RNF17: variants seen among roughly 807,000 people sequenced by gnomAD.
The protein encoded by RNF17 is ring finger protein 17.
RNF17 carries 31 observed loss-of-function variants against 200.5 expected under a neutral mutation model. The observed-to-expected ratio is 0.15, with a 90% CI of 0.12 to 0.21. The LOEUF is 0.21. Among genes scored for constraint, RNF17 ranks in the 10% least tolerant of loss-of-function variants. The probability of loss-of-function intolerance (pLI) is 1.00; values close to 1 mark genes in which losing one functional copy is unlikely to be tolerated. For synonymous variants in RNF17, 606 were observed against 637.8 expected, an observed-to-expected ratio of 0.95 and a Z score of 0.75; for missense variants, 1,628 against 1,905.1, an observed-to-expected ratio of 0.85 and a Z score of 2.71.
chr13:24,849,203 T>C (rs1190910153), intron 22 of RNF17, among the ~76,000 whole-genome samples: 3 of 152,218 alleles, frequency 2.0e-5, no homozygotes, highest in African/African-American at 7.2e-5. Flanking sequence ...GTTAATGGGC[T>C]AGCTCAATGA....
chr13:24,834,874 A>C (rs939421174), intron 18 of RNF17, among the ~76,000 whole-genome samples: 16 of 152,198 alleles, frequency 1.1e-4, no homozygotes, highest in Non-Finnish European at 1.3e-4. Context: ...CTCCACAGGC[A>C]GGGGAAGAAC....
the RNF17 span, among the ~76,000 whole-genome samples, chr13:24,748,903 C>T: frequency 1.2e-4 from 19 of 152,166 alleles, no homozygotes; most frequent in East Asian, 3.5e-3. Flanking sequence ...GCATGTGCCA[C>T]CATGCCCGGC....
chr13:24,812,783 G>A (rs143471220), intron 15 of RNF17, among the ~76,000 whole-genome samples: 18,584 of 150,140 alleles, frequency 0.12, 1,256 homozygotes, highest in Admixed American at 0.15. Context: ...CTGGGTTCAC[G>A]CCATTCTCAT....
intron 15 of RNF17, among the ~76,000 whole-genome samples, chr13:24,809,282 T>G (rs1177532276): frequency 2.0e-5 from 3 of 151,360 alleles, no homozygotes; most frequent in Admixed American, 6.6e-5. Context: ...TCCTGGACTC[T>G]TTTTGGTTGG....
At chr13:24,879,412 T>C in intron 35 of RNF17, 117 bp downstream of exon 35, 2 of 663,952 alleles carry the variant, frequency 3.0e-6, no homozygotes, top group African/African-American at 1.8e-5. Flanking sequence ...ACAGCAACGC[T>C]CCACCAGATT....
intron 13 of RNF17, 35 bp from the exon 14 acceptor site, chr13:24,802,346 A>G (rs374876145): frequency 1.2e-5 from 19 of 1,543,360 alleles, no homozygotes; most frequent in Non-Finnish European, 1.6e-5. Flanking sequence ...CGATACTTAC[A>G]ATTAATTACT....
intron 2 of RNF17, among the ~76,000 whole-genome samples, chr13:24,768,358 C>T (rs373263003): frequency 1.3e-5 from 2 of 148,878 alleles, no homozygotes; most frequent in African/African-American, 2.5e-5. Context: ...AATCTCAGCT[C>T]ACTGCAACCT....
chr13:24,764,890 T>TGTGGGG (rs1437887701), intron 1 of RNF17, among the ~76,000 whole-genome samples: 3 of 8,706 alleles, frequency 3.4e-4, no homozygotes, highest in African/African-American at 7.3e-4. Flanking sequence ...CCTTGTGGGG[T>TGTGGGG]GTGTGTGTGT....
At chr13:24,773,305 C>T (rs998051404) in intron 2 of RNF17, among the ~76,000 whole-genome samples, 4 of 152,276 alleles carry the variant, frequency 2.6e-5, no homozygotes, top group South Asian at 2.1e-4. Flanking sequence ...TCAACCTATG[C>T]GTCCCATCAT....
the RNF17 span, among the ~76,000 whole-genome samples, chr13:24,753,631 A>G: frequency 4.6e-5 from 7 of 152,206 alleles, no homozygotes; most frequent in Non-Finnish European, 8.8e-5. Flanking sequence ...CAATTAAGCT[A>G]GAGTAGAAGG....
intron 1 of RNF17, among the ~76,000 whole-genome samples, chr13:24,764,902 T>G (rs1218231424): frequency 3.7e-5 from 2 of 54,378 alleles, no homozygotes; most frequent in African/African-American, 1.1e-4. Context: ...TGTGTGTGTG[T>G]GTGTGTGTGT....
chr13:24,778,434 G>C, intron 4 of RNF17, 28 bp downstream of exon 4: 6 of 1,409,232 alleles, frequency 4.3e-6, no homozygotes, highest in Non-Finnish European at 4.0e-6. Flanking sequence ...CATGAAGTAC[G>C]ATGAAGGCAA....
intron 13 of RNF17, among the ~76,000 whole-genome samples, chr13:24,800,978 G>A (rs1326228675): frequency 6.6e-6 from 1 of 152,160 alleles, no homozygotes; most frequent in Non-Finnish European, 1.5e-5. Context: ...AACAATACAT[G>A]TTAAGCAGTT....
rs1371570441 is a variant in RNF17 at position 24,774,795 on chromosome 13, A to C, written c.226-18A>C. 2 of 1,550,330 alleles carry C rather than the reference A, an allele frequency of 1.3e-6. No individual in the cohort carries two copies. Among genetic ancestry groups the C allele is most frequent in the East Asian group, 4.5e-5 (2 of 44,412 alleles). On this transcript the variant is annotated intron_variant, in intron 2 of 35. Transcript: ENST00000255324. ...TTATTGGGTGACTTTGTTTTTTTAA[A>C]CCTTATTTTGTCCTAAGGTTGCTAC...
intron 6 of RNF17, among the ~76,000 whole-genome samples, chr13:24,786,283 A>G (rs1295132261): frequency 6.6e-6 from 1 of 152,228 alleles, no homozygotes; most frequent in African/African-American, 2.4e-5. Flanking sequence ...CTTTAGTTGC[A>G]TATAAAACCT....
intron 15 of RNF17, among the ~76,000 whole-genome samples, chr13:24,825,389 A>G (rs1203600967): frequency 2.6e-5 from 4 of 152,196 alleles, no homozygotes; most frequent in Non-Finnish European, 4.4e-5. Flanking sequence ...TGAAGAATAT[A>G]TACACTAAGT....
intron 6 of RNF17, among the ~76,000 whole-genome samples, chr13:24,782,606 G>A (rs763964691): frequency 3.4e-5 from 1 of 29,712 alleles, no homozygotes; most frequent in Non-Finnish European, 1.0e-4. Flanking sequence ...AGGCTGAGAT[G>A]GGGGGGGGAT....
At position 24,796,229 on chromosome 13, in the gene RNF17, G is replaced by C; in HGVS notation, c.1333G>C (p.Glu445Gln). The C allele has an allele frequency of 6.2e-7, 1 of 1,612,518 alleles. No homozygotes were observed. The highest frequency in any genetic ancestry group is 8.5e-7 in the Non-Finnish European group (1 of 1,178,928). ...YSQIKDAKVL[E>Q]KKVNEFCNRS... Reference sequence around the variant, plus strand: ...ACAAATAAAAGACGCCAAAGTACTGGAGAAGAAGGTGAATGAATTTTGCAA... The same window carrying C: ...ACAAATAAAAGACGCCAAAGTACTGCAGAAGAAGGTGAATGAATTTTGCAA... Residue 445 changes from glutamate (E) to glutamine (Q), a missense_variant, in exon 11 of 36, where the codon GAG (glutamate) becomes CAG (glutamine). Physicochemically the swap from Glu to Gln is conservative, Grantham distance 29. This residue lies in a region of RNF17 where 289 missense variants were observed against 384.9 expected (regional missense o/e 0.75). Transcript: ENST00000255324.
intron 18 of RNF17, among the ~76,000 whole-genome samples, chr13:24,836,677 C>T (rs1412204398): frequency 6.6e-6 from 1 of 152,100 alleles, no homozygotes; most frequent in Non-Finnish European, 1.5e-5. Flanking sequence ...TCGCCATTAC[C>T]AAGCCACCAC....
Sources: allele counts gnomAD v4.1 joint callset (sites outside exome capture counted in the v4.1 genomes callset), GRCh38; gene constraint gnomAD v4.1.1; regional missense constraint gnomAD v4.1.1; transcripts MANE v1.5; gene names NCBI Gene and HGNC (gene_info 2026-07-23, HGNC 2026-07-21).